Variants in NUDT7 observed in about 807,000 individuals in gnomAD.
NUDT7 encodes the protein nudix hydrolase 7.
A neutral mutation model predicts 13.1 loss-of-function variants in NUDT7; 19 were observed. The ratio of observed to expected loss-of-function variants is 1.45; its 90% CI spans 1.01 to 2.13. The LOEUF is 2.13. NUDT7 is among the 30% of genes most tolerant of loss of function. The pLI is 0.00. For synonymous variants in NUDT7, 132 were observed against 109.7 expected (o/e 1.20, Z -1.27); for missense variants, 360 against 291.7 (o/e 1.23, Z -1.71).
Position 77,737,732 on chromosome 16 carries a change from G to C in NUDT7, c.348+1746G>C, listed in dbSNP as rs749381584. ...GATCTCCTGACCTCATGATCCGCCTGCCTCAGCCTCCCAAAGTGCTCGGAC... is the reference window on the plus strand; with the variant it reads ...GATCTCCTGACCTCATGATCCGCCTCCCTCAGCCTCCCAAAGTGCTCGGAC... On this transcript the variant is annotated intron_variant, in intron 3 of 3. Transcript: ENST00000268533. Among the ~76,000 whole-genome samples the C allele has an allele frequency of 4.6e-5, 7 of 152,266 alleles. No homozygotes were observed. The South Asian group carries it at 1.2e-3, about 27-fold the overall frequency.
intron 1 of NUDT7, among the ~76,000 whole-genome samples, chr16:77,724,256 TC>T (rs2014057147): frequency 6.6e-6 from 1 of 152,076 alleles, no homozygotes; most frequent in Non-Finnish European, 1.5e-5. Context: ...CCATGTTTTT[TC>T]TTCTTTTATT....
rs566426941 is a variant in NUDT7, at chr16:77,729,973, A to T, written c.189+4389A>T. 2.5e-5 allele frequency among the ~76,000 whole-genome samples: 3 copies of T among 119,082 alleles called. No homozygotes were observed. The South Asian group carries it at 7.0e-4, about 28-fold the overall frequency. The allele number at this position is 119,082 out of a possible 152,430, so 78.1% of individuals were successfully genotyped here. ...CTAACTCACATAGTAACATATTACC[A>T]CACACATTACCTCACATAGTAACAT... is the stretch of plus-strand genomic sequence containing the variant. On this transcript the variant is annotated intron_variant, in intron 2 of 3. Coordinates refer to ENST00000268533, the MANE Select transcript of NUDT7 (RefSeq NM_001105663.3).
At chr16:77,732,747 C>G (rs530385629) in intron 2 of NUDT7, among the ~76,000 whole-genome samples, 62 of 152,260 alleles carry the variant, frequency 4.1e-4, no homozygotes, top group Middle Eastern at 6.8e-3. Context: ...GATGAAATCG[C>G]CTAATGCATT....
chr16:77,727,667 C>T (rs890817976), intron 2 of NUDT7, among the ~76,000 whole-genome samples: 2 of 152,138 alleles, frequency 1.3e-5, no homozygotes, highest in African/African-American at 4.8e-5. Flanking sequence ...CCAGTCTGGC[C>T]AACATGGCGA....
chr16:77,737,085 G>T (rs2014511164), intron 3 of NUDT7, among the ~76,000 whole-genome samples: 1 of 152,132 alleles, frequency 6.6e-6, no homozygotes. Flanking sequence ...AGTTTCCCCT[G>T]TGGTTGACAT....
chr16:77,723,792 A>G (rs2014043261), intron 1 of NUDT7, among the ~76,000 whole-genome samples: 3 of 151,964 alleles, frequency 2.0e-5, no homozygotes, highest in African/African-American at 7.3e-5. Flanking sequence ...GGGTTTTACC[A>G]TGTTGGCCAG....
chr16:77,736,351 T>C (rs933537152), intron 3 of NUDT7: 1 of 185,596 alleles, frequency 5.4e-6, no homozygotes. Context: ...GACACTCCAA[T>C]GTGCTAGATA....
At chr16:77,737,187 GT>G (rs1190335079) in intron 3 of NUDT7, among the ~76,000 whole-genome samples, 1 of 152,170 alleles carries the variant, frequency 6.6e-6, no homozygotes, top group East Asian at 1.9e-4. Flanking sequence ...CTTTTTACTA[GT>G]TTTTCTACTA....
intron 3 of NUDT7, chr16:77,736,699 C>A: frequency 3.5e-6 from 1 of 286,356 alleles, no homozygotes; most frequent in Non-Finnish European, 7.6e-6. Flanking sequence ...CTCCTGGCCT[C>A]AAGTGATCCT....
intron 3 of NUDT7, among the ~76,000 whole-genome samples, chr16:77,737,626 C>T (rs1252735845): frequency 6.6e-6 from 1 of 152,166 alleles, no homozygotes; most frequent in African/African-American, 2.4e-5. Flanking sequence ...GCTGGGACTA[C>T]AGGCGCCCAT....
At chr16:77,737,810 G>A (rs1383205722) in intron 3 of NUDT7, among the ~76,000 whole-genome samples, 7 of 151,966 alleles carry the variant, frequency 4.6e-5, no homozygotes, top group Non-Finnish European at 8.8e-5. Context: ...TTGGGCTTTC[G>A]GGTAAGTTTT....
At chr16:77,728,264 G>A (rs997998452) in intron 2 of NUDT7, among the ~76,000 whole-genome samples, 8 of 152,080 alleles carry the variant, frequency 5.3e-5, no homozygotes, top group African/African-American at 4.8e-5. Flanking sequence ...AAGGATTCTC[G>A]CTCTGTCGCC....
chr16:77,728,287 C>T (rs35096663), intron 2 of NUDT7, among the ~76,000 whole-genome samples: 24,838 of 152,170 alleles, frequency 0.16, 2,116 homozygotes, highest in Middle Eastern at 0.25. Flanking sequence ...GGCTGGAGTG[C>T]AGTGGCGTGA....
chr16:77,738,342 G>A (rs983427790), intron 3 of NUDT7, among the ~76,000 whole-genome samples: 1 of 152,192 alleles, frequency 6.6e-6, no homozygotes, highest in African/African-American at 2.4e-5. Context: ...CTGGGGGCCA[G>A]ATACTCCTGG....
intron 2 of NUDT7, among the ~76,000 whole-genome samples, chr16:77,731,738 G>A (rs2014324765): frequency 6.6e-6 from 1 of 152,144 alleles, no homozygotes; most frequent in Admixed American, 6.6e-5. Flanking sequence ...CTCCATGTAT[G>A]TTATTGTTGC....
intron 3 of NUDT7, among the ~76,000 whole-genome samples, chr16:77,739,893 G>A (rs2014605230): frequency 6.6e-6 from 1 of 152,124 alleles, no homozygotes; most frequent in Non-Finnish European, 1.5e-5. Flanking sequence ...GTCTCCATGT[G>A]GGACAAACTG....
In NUDT7 at chr16:77,731,559, A is replaced by T. The variant is rs191830761; in HGVS notation, c.190-4269A>T. Among the ~76,000 whole-genome samples, 6 of 152,334 alleles carry T rather than the reference A, an allele frequency of 3.9e-5. No individual in the cohort carries two copies. In the East Asian group the frequency reaches 1.2e-3, roughly 29 times the overall value. Reference sequence around the variant, plus strand: ...CAATATATAATACTTGATAATGATAAAAAATGACATTTCTGGTTTATGAAA... The same window carrying T: ...CAATATATAATACTTGATAATGATATAAAATGACATTTCTGGTTTATGAAA... On this transcript the variant is annotated intron_variant, in intron 2 of 3. Transcript: ENST00000268533.
chr16:77,732,658 G>A (rs139091193), intron 2 of NUDT7, among the ~76,000 whole-genome samples: 175 of 152,326 alleles, frequency 1.1e-3, no homozygotes, highest in African/African-American at 4.0e-3. Context: ...AGAAGCAGTA[G>A]CTACACCATA....
rs1247544694 is a variant in NUDT7 at position 77,742,128 on chromosome 16, T to C, written c.*178T>C. 1.2e-5 allele frequency: 16 copies of C among 1,334,700 alleles called. No individual in the cohort carries two copies. The highest frequency in any genetic ancestry group is 1.5e-5 in the African/African-American group (1 of 67,860). The allele number at this position is 1,334,700 out of a possible 1,614,324, so 82.7% of individuals were successfully genotyped here. ...CTATTGTCTGAAAAAGTAAAAGCCA[T>C]TCAAAAATGAAAACTATGTTCATAG... On this transcript the variant is annotated 3_prime_UTR_variant, in exon 4 of 4. Transcript: ENST00000268533.
Sources: allele counts gnomAD v4.1 joint callset (sites outside exome capture counted in the v4.1 genomes callset), GRCh38; gene constraint gnomAD v4.1.1; transcripts MANE v1.5; gene names NCBI Gene and HGNC (gene_info 2026-07-23, HGNC 2026-07-21).